FMNL2: variants seen among roughly 807,000 people sequenced by gnomAD.
FMNL2 encodes formin-like protein 2.
In FMNL2, 51 loss-of-function variants were observed where a neutral mutation model predicts 130.2. That is an observed-to-expected ratio of 0.39 (90% CI 0.31 to 0.49). The LOEUF (loss-of-function observed/expected upper bound fraction) is 0.49, where lower values mean the gene tolerates loss of function less well. Ranked by LOEUF, FMNL2 falls within the 20% of genes least tolerant of loss-of-function variation. The probability of loss-of-function intolerance (pLI) is 0.85; values close to 1 mark genes in which losing one functional copy is unlikely to be tolerated. For missense variants in FMNL2, 977 were observed against 1,316.2 expected (o/e 0.74, Z 3.99); for synonymous variants, 465 against 467.1 (o/e 1.00, Z 0.06).
chr2:152,575,122 C>CT lies in FMNL2; in HGVS notation c.597-9dup. On this transcript the variant is annotated splice_polypyrimidine_tract_variant and intron_variant, in intron 6 of 25. Coordinates refer to ENST00000288670, the MANE Select transcript of FMNL2 (RefSeq NM_052905.4). The stretch of plus-strand genomic sequence containing the variant: ...AACCTGTTGTTTTATAGAAGTTTCT[C>CT]TTTTTGTTTGTAGATATAATACATT... 6.6e-7 allele frequency: 1 copy of CT among 1,517,518 alleles called. No individual in the cohort carries two copies. Among genetic ancestry groups the CT allele is most frequent in the South Asian group, 1.2e-5 (1 of 85,412 alleles). 94.0% of individuals were successfully genotyped at this position (1,517,518 alleles called of 1,614,324 possible). A position where few individuals can be genotyped will look rare whatever the true frequency, so the allele number is the denominator to read the frequency against.
intron 15 of FMNL2, among the ~76,000 whole-genome samples, chr2:152,621,650 G>A (rs978980212): frequency 6.6e-6 from 1 of 152,184 alleles, no homozygotes; most frequent in Non-Finnish European, 1.5e-5. Context: ...ATCCTTGTGA[G>A]TCTTTGATAG....
chr2:152,343,528 T>C (rs747403677), intron 1 of FMNL2, among the ~76,000 whole-genome samples: 3 of 151,720 alleles, frequency 2.0e-5, no homozygotes, highest in African/African-American at 4.8e-5. Context: ...ACTCCTGACC[T>C]CAAGTGATCC....
At chr2:152,474,209 C>G (rs1295733072) in intron 1 of FMNL2, among the ~76,000 whole-genome samples, 1 of 152,162 alleles carries the variant, frequency 6.6e-6, no homozygotes, top group Non-Finnish European at 1.5e-5. Context: ...TTTTCTTGTC[C>G]CATCTCACTT....
At chr2:152,426,852 T>G (rs1183984260) in intron 1 of FMNL2, among the ~76,000 whole-genome samples, 1 of 152,232 alleles carries the variant, frequency 6.6e-6, no homozygotes, top group East Asian at 1.9e-4. Context: ...CATTAGGCAG[T>G]GGTCTCTAAG....
intron 1 of FMNL2, among the ~76,000 whole-genome samples, chr2:152,455,469 T>C (rs1688897822): frequency 6.6e-6 from 1 of 152,114 alleles, no homozygotes; most frequent in Non-Finnish European, 1.5e-5. Context: ...TTGTTTGAAA[T>C]GGAAGCTGAT....
Position 152,611,554 on chromosome 2 carries a change from A to G in FMNL2, c.1011A>G (p.Arg337=). 6.2e-7 allele frequency: 1 copy of G among 1,604,314 alleles called. No individual in the cohort carries two copies. The highest frequency in any genetic ancestry group is 8.5e-7 in the Non-Finnish European group (1 of 1,174,512). ...ATTCAGTAGAAGATATGAATTTCAG[A>G]GTTCACCTGCAGTATGAATTTACCA... ...VVHSVEDMNF[R]VHLQYEFTKL... The change falls in exon 11 of 26, where the codon AGA becomes AGG. Residue 337 remains arginine, a synonymous_variant. Transcript: ENST00000288670.
At chr2:152,439,398 G>T (rs1487260943) in intron 1 of FMNL2, among the ~76,000 whole-genome samples, 1 of 152,036 alleles carries the variant, frequency 6.6e-6, no homozygotes, top group African/African-American at 2.4e-5. Flanking sequence ...TTGGATATGT[G>T]TGTGTTTTGG....
At chr2:152,492,209 C>G (rs987694883) in intron 1 of FMNL2, among the ~76,000 whole-genome samples, 1 of 152,112 alleles carries the variant, frequency 6.6e-6, no homozygotes, top group Non-Finnish European at 1.5e-5. Flanking sequence ...GTCCCCCACC[C>G]TCTGCCCCCA....
At chr2:152,395,447 T>A (rs763060142) in intron 1 of FMNL2, among the ~76,000 whole-genome samples, 2 of 152,250 alleles carry the variant, frequency 1.3e-5, no homozygotes, top group Non-Finnish European at 2.9e-5. Flanking sequence ...ATGCCCCAGA[T>A]GGCCTGTTAG....
At chr2:152,537,727 T>C (rs955445778) in intron 2 of FMNL2, among the ~76,000 whole-genome samples, 3 of 152,222 alleles carry the variant, frequency 2.0e-5, no homozygotes, top group African/African-American at 7.2e-5. Flanking sequence ...TGGGACTCAA[T>C]GAAGAATAGA....
At chr2:152,587,395 C>A (rs891231979) in intron 9 of FMNL2, among the ~76,000 whole-genome samples, 3 of 152,196 alleles carry the variant, frequency 2.0e-5, no homozygotes, top group Admixed American at 1.3e-4. Context: ...CTGTATACCT[C>A]AGTAAGTCTC....
chr2:152,639,858 A>C, intron 23 of FMNL2, 100 bp from the exon 24 acceptor site: 1 of 1,015,264 alleles, frequency 9.8e-7, no homozygotes, highest in African/African-American at 1.6e-5. Flanking sequence ...ATTTATTGTA[A>C]TTCTCAACTC....
chr2:152,566,450 T>C (rs1206799783), intron 6 of FMNL2, among the ~76,000 whole-genome samples: 1 of 152,122 alleles, frequency 6.6e-6, no homozygotes, highest in African/African-American at 2.4e-5. Context: ...CCTGAAGTAG[T>C]AGTGAAACAA....
chr2:152,522,030 A>G lies in FMNL2; in HGVS notation c.201+4A>G, dbSNP rs200398180. 3.1e-6 allele frequency: 5 copies of G among 1,601,406 alleles called. No individual in the cohort carries two copies. In the East Asian group the frequency reaches 1.1e-4, roughly 36 times the overall value. ...ATGGGAACTGATTTGTGATCAGGTA[A>G]GAAACAGTGACACTTTCTTTTATGA... On this transcript the variant is annotated splice_donor_region_variant and intron_variant, in intron 2 of 25. Transcript: ENST00000288670.
chr2:152,427,806 C>T (rs1687274822), intron 1 of FMNL2, among the ~76,000 whole-genome samples: 1 of 152,068 alleles, frequency 6.6e-6, no homozygotes, highest in Admixed American at 6.5e-5. Context: ...TGCAGTCAAG[C>T]AGGGCCCCTG....
intron 7 of FMNL2, among the ~76,000 whole-genome samples, chr2:152,576,259 A>G (rs967293347): frequency 6.6e-6 from 1 of 151,966 alleles, no homozygotes; most frequent in African/African-American, 2.4e-5. Context: ...TTTTTTTTGA[A>G]CTTTGCCAGA....
At chr2:152,413,243 A>G (rs1463897967) in intron 1 of FMNL2, among the ~76,000 whole-genome samples, 4 of 152,082 alleles carry the variant, frequency 2.6e-5, no homozygotes, top group Non-Finnish European at 5.9e-5. Context: ...GTATTTATTC[A>G]CCAGTCATTG....
intron 1 of FMNL2, among the ~76,000 whole-genome samples, chr2:152,475,645 C>A (rs2346204): frequency 0.28 from 42,729 of 151,784 alleles, 6,390 homozygotes; most frequent in East Asian, 0.57. Context: ...CAGGTGCACA[C>A]CACCACACTG....
In FMNL2 at chr2:152,649,819, C is replaced by T. The variant is rs951336041; in HGVS notation, c.*1914C>T. The T allele has an allele frequency of 2.6e-5, 4 of 152,622 alleles. No homozygotes were observed. The highest frequency in any genetic ancestry group is 9.7e-5 in the African/African-American group (4 of 41,440). 9.5% of individuals were successfully genotyped at this position (152,622 alleles called of 1,614,324 possible). A position where few individuals can be genotyped will look rare whatever the true frequency, so the allele number is the denominator to read the frequency against. ...ATATGAGCAAATAATAAACTATTTA[C>T]ACTACTATTCTGTAATATGTTGTAA... On this transcript the variant is annotated 3_prime_UTR_variant, in exon 26 of 26. Transcript: ENST00000288670.
Sources: allele counts gnomAD v4.1 joint callset (sites outside exome capture counted in the v4.1 genomes callset), GRCh38; gene constraint gnomAD v4.1.1; transcripts MANE v1.5; gene names NCBI Gene and HGNC (gene_info 2026-07-23, HGNC 2026-07-21).